The following SOX5 variants were observed in gnomAD, a reference collection of about 807,000 sequenced individuals.
The protein encoded by SOX5 is transcription factor SOX-5.
A neutral mutation model predicts 92.0 loss-of-function variants in SOX5; 9 were observed. The ratio of observed to expected loss-of-function variants is 0.10; its 90% CI spans 0.06 to 0.17. SOX5 has a LOEUF of 0.17. SOX5 is among the 10% of genes least tolerant of loss of function. The pLI is 1.00. For synonymous variants in SOX5, 344 were observed against 336.3 expected, an observed-to-expected ratio of 1.02 and a Z score of -0.25; for missense variants, 642 against 944.5, an observed-to-expected ratio of 0.68 and a Z score of 4.20.
At chr12:24,129,967 G>A (rs1279632330) in intron 4 of SOX5, among the ~76,000 whole-genome samples, 2 of 152,116 alleles carry the variant, frequency 1.3e-5, no homozygotes, top group African/African-American at 4.8e-5. Flanking sequence ...AACTAAAAAT[G>A]CACATGTGTG....
chr12:23,892,280 CAT>C (rs746016985), intron 2 of SOX5, among the ~76,000 whole-genome samples: 5 of 152,114 alleles, frequency 3.3e-5, no homozygotes, highest in Admixed American at 6.5e-5. Context: ...AGGAAGGTAA[CAT>C]GTGAAAATAG....
intron 1 of SOX5, among the ~76,000 whole-genome samples, chr12:24,441,797 G>T (rs1228289616): frequency 6.6e-6 from 1 of 152,002 alleles, no homozygotes; most frequent in East Asian, 1.9e-4. Context: ...TATTGTATGC[G>T]GTTTCATGGA....
At chr12:24,089,875 G>A (rs951182201) in intron 4 of SOX5, among the ~76,000 whole-genome samples, 1 of 152,002 alleles carries the variant, frequency 6.6e-6, no homozygotes, top group African/African-American at 2.4e-5. Flanking sequence ...CAAGTGTTTG[G>A]TACAATAAAG....
intron 4 of SOX5, among the ~76,000 whole-genome samples, chr12:23,976,059 A>C (rs1263768808): frequency 1.3e-5 from 2 of 152,144 alleles, no homozygotes; most frequent in Admixed American, 6.5e-5. Context: ...TTAAAGAACA[A>C]ACCAATTTTG....
intron 2 of SOX5, among the ~76,000 whole-genome samples, chr12:23,875,930 C>T (rs1350088142): frequency 6.6e-6 from 1 of 152,160 alleles, no homozygotes. Flanking sequence ...ATTGGAAATA[C>T]TGTAGCACAA....
intron 2 of SOX5, among the ~76,000 whole-genome samples, chr12:24,326,938 T>C (rs570076108): frequency 1.3e-5 from 2 of 152,264 alleles, no homozygotes; most frequent in Admixed American, 1.3e-4. Context: ...TCTTAGAGTT[T>C]AAACTTCAGA....
intron 6 of SOX5, among the ~76,000 whole-genome samples, chr12:23,670,007 C>T (rs985141179): frequency 1.1e-4 from 16 of 152,066 alleles, no homozygotes; most frequent in African/African-American, 3.4e-4. Flanking sequence ...AGCTTAACAC[C>T]ATCTGGGTTC....
At chr12:24,368,593 G>A (rs1956396741) in exon 2 of SOX5, 1 of 152,242 alleles carries the variant, frequency 6.6e-6, no homozygotes, top group Non-Finnish European at 1.5e-5. Flanking sequence ...TTGTGGGCAG[G>A]AACATATTTT....
chr12:24,235,510 T>C (rs983294788), intron 3 of SOX5, among the ~76,000 whole-genome samples: 1 of 152,218 alleles, frequency 6.6e-6, no homozygotes, highest in Non-Finnish European at 1.5e-5. Flanking sequence ...ATTTGTACTC[T>C]ACTAATATGA....
chr12:23,980,459 T>G (rs1949467017), intron 4 of SOX5, among the ~76,000 whole-genome samples: 1 of 152,084 alleles, frequency 6.6e-6, no homozygotes, highest in Non-Finnish European at 1.5e-5. Flanking sequence ...CAACACAATG[T>G]AGTAAGATGT....
At chr12:24,142,335 T>A (rs186001063) in intron 4 of SOX5, among the ~76,000 whole-genome samples, 9 of 152,186 alleles carry the variant, frequency 5.9e-5, no homozygotes, top group African/African-American at 2.2e-4. Flanking sequence ...GGAGGGAGAC[T>A]TAGGGATTGT....
At chr12:24,111,315 G>A (rs1394100613) in intron 4 of SOX5, among the ~76,000 whole-genome samples, 1 of 152,138 alleles carries the variant, frequency 6.6e-6, no homozygotes, top group African/African-American at 2.4e-5. Flanking sequence ...GTCATCATCT[G>A]TACTCATGCT....
At chr12:23,755,119 T>C (rs1290929456) in intron 4 of SOX5, among the ~76,000 whole-genome samples, 1 of 151,826 alleles carries the variant, frequency 6.6e-6, no homozygotes, top group Non-Finnish European at 1.5e-5. Context: ...TGAATAGTTT[T>C]ATAGAACTTT....
intron 2 of SOX5, among the ~76,000 whole-genome samples, chr12:24,284,664 C>T (rs911152541): frequency 2.6e-5 from 4 of 152,162 alleles, no homozygotes; most frequent in African/African-American, 9.7e-5. Flanking sequence ...CAGGCAGGCT[C>T]ACATGGTTCC....
intron 7 of SOX5, among the ~76,000 whole-genome samples, chr12:23,659,972 A>C (rs1486212914): frequency 1.3e-5 from 2 of 152,196 alleles, no homozygotes; most frequent in Non-Finnish European, 2.9e-5. Context: ...AAATGAAAAA[A>C]AGAAAAGAAA....
chr12:24,553,578 T>C (rs1953436046), intron 1 of SOX5, among the ~76,000 whole-genome samples: 1 of 152,224 alleles, frequency 6.6e-6, no homozygotes, highest in Admixed American at 6.5e-5. Context: ...CTCAGGGAGC[T>C]TACCTTCTAA....
intron 3 of SOX5, among the ~76,000 whole-genome samples, chr12:23,781,700 T>G (rs1241619273): frequency 6.6e-6 from 1 of 151,986 alleles, no homozygotes; most frequent in Non-Finnish European, 1.5e-5. Context: ...TTTACCCCCT[T>G]TCTGGGGTTT....
chr12:23,849,972 T>C (rs1217137084), intron 2 of SOX5, among the ~76,000 whole-genome samples: 1 of 152,160 alleles, frequency 6.6e-6, no homozygotes, highest in Non-Finnish European at 1.5e-5. Flanking sequence ...ACAGAAGATC[T>C]GGACTATCAT....
chr12:23,774,108 C>A (rs1488808385), intron 3 of SOX5, among the ~76,000 whole-genome samples: 1 of 152,154 alleles, frequency 6.6e-6, no homozygotes, highest in Non-Finnish European at 1.5e-5. Context: ...ACGGTGTCTA[C>A]ACATTAAGTG....
Sources: allele counts gnomAD v4.1 joint callset (sites outside exome capture counted in the v4.1 genomes callset), GRCh38; gene constraint gnomAD v4.1.1; transcripts MANE v1.5; gene names NCBI Gene and HGNC (gene_info 2026-07-23, HGNC 2026-07-21).